CLIP4: variants seen among roughly 807,000 people sequenced by gnomAD.
CLIP4 encodes CAP-Gly domain containing linker protein family member 4.
In CLIP4, 47 loss-of-function variants were observed where a neutral mutation model predicts 73.1. That is an observed-to-expected ratio of 0.64 (90% confidence interval 0.51 to 0.82). The LOEUF is 0.82. Among genes scored for constraint, CLIP4 ranks in the 40% least tolerant of loss-of-function variants. The pLI, the probability that CLIP4 is intolerant of heterozygous loss-of-function variation, is 0.00. For missense variants in CLIP4, 874 were observed against 852.9 expected, an observed-to-expected ratio of 1.02 and a Z score of -0.31; for synonymous variants, 306 against 295.4, an observed-to-expected ratio of 1.04 and a Z score of -0.37.
chr2:29,103,381 C>A (rs1668105937), intron 1 of CLIP4, among the ~76,000 whole-genome samples: 1 of 151,592 alleles, frequency 6.6e-6, no homozygotes, highest in African/African-American at 2.4e-5. Flanking sequence ...TCTAAAACAC[C>A]CAATTTAGTC....
chr2:29,174,703 A>T (rs1668222521), intron 15 of CLIP4: 7 of 1,101,840 alleles, frequency 6.4e-6, no homozygotes, highest in Non-Finnish European at 7.7e-6. Context: ...AATAAAAGTT[A>T]AAGGAATTTA....
chr2:29,130,162 GT>G (rs1664874054), intron 2 of CLIP4: 8 of 440,018 alleles, frequency 1.8e-5, no homozygotes, highest in Admixed American at 1.7e-4. Flanking sequence ...AGAGCAGCCA[GT>G]GCTGCGGCCC....
At chr2:29,165,103 C>G (rs566270559) in intron 13 of CLIP4, among the ~76,000 whole-genome samples, 5 of 152,164 alleles carry the variant, frequency 3.3e-5, no homozygotes, top group Admixed American at 2.6e-4. Context: ...AGGATCATTC[C>G]CATTTTGCAG....
At chr2:29,165,184 A>C (rs1418723479) in intron 13 of CLIP4, among the ~76,000 whole-genome samples, 1 of 152,126 alleles carries the variant, frequency 6.6e-6, no homozygotes, top group Non-Finnish European at 1.5e-5. Context: ...AAGGAGCTGG[A>C]CTCAGCCCAG....
At position 29,152,772 on chromosome 2, in the gene CLIP4, C is replaced by T; in HGVS notation, c.1109C>T (p.Pro370Leu). The T allele has an allele frequency of 6.2e-7, 1 of 1,613,784 alleles. No individual in the cohort carries two copies. Among genetic ancestry groups the T allele is most frequent in the East Asian group, 2.2e-5 (1 of 44,834 alleles). ...ACTCCTTCTACAAAAGCTGCTGTAC[C>T]TCTCATCAGGTCCCAGAAAATTGAC... ...THTPSTKAAV[P>L]LIRSQKIDVA... is the part of the protein sequence containing the mutation. The change falls in exon 9 of 16, where the codon CCT becomes CTT. Residue 370 changes from proline (P) to leucine (L), a missense_variant. Physicochemically the swap from Pro to Leu is moderately conservative, Grantham distance 98. Coordinates refer to ENST00000320081, the MANE Select transcript of CLIP4 (RefSeq NM_024692.6).
chr2:29,130,963 A>G (rs1664930770), intron 2 of CLIP4: 1 of 1,239,244 alleles, frequency 8.1e-7, no homozygotes, highest in Admixed American at 2.6e-5. Flanking sequence ...TCTACCCCAG[A>G]TTTGCCACTT....
Position 29,181,932 on chromosome 2 carries a change from G to T in CLIP4, c.*39G>T. On this transcript the variant is annotated 3_prime_UTR_variant, in exon 16 of 16. Transcript: ENST00000320081. ...TAAATAAGCTCAAATATATATATTT[G>T]GTGTAAATAAAGAGTCCATGGTAAA... 1 of 1,499,376 alleles carries T rather than the reference G, an allele frequency of 6.7e-7. No homozygotes were observed. Among genetic ancestry groups the T allele is most frequent in the Non-Finnish European group, 9.0e-7 (1 of 1,111,256 alleles). 92.9% of individuals were successfully genotyped at this position (1,499,376 alleles called of 1,614,324 possible).
At chr2:29,147,351 T>G (rs1286238182) in intron 8 of CLIP4, among the ~76,000 whole-genome samples, 1 of 152,142 alleles carries the variant, frequency 6.6e-6, no homozygotes, top group African/African-American at 2.4e-5. Context: ...AAATACATAC[T>G]TATGATATTA....
At chr2:29,126,005 T>C (rs936985047) in intron 2 of CLIP4, among the ~76,000 whole-genome samples, 2 of 152,082 alleles carry the variant, frequency 1.3e-5, no homozygotes, top group African/African-American at 2.4e-5. Flanking sequence ...TGAAACCCTG[T>C]CTCTACTAAA....
intron 5 of CLIP4, among the ~76,000 whole-genome samples, chr2:29,134,625 TG>T (rs1035311232): frequency 5.7e-4 from 87 of 152,288 alleles, no homozygotes; most frequent in African/African-American, 2.0e-3. Context: ...CGAGTATTTC[TG>T]GGTGGTTTGC....
rs552831568 is a variant in CLIP4 at position 29,140,885 on chromosome 2, G to T, written c.649-2824G>T. ...TGGCTGCATAAATGTCTTCTTTTGA[G>T]GAGTGTCTGTTCTTATTTTTCTAGT... is the stretch of plus-strand genomic sequence containing the variant. On this transcript the variant is annotated intron_variant, in intron 6 of 15. Coordinates refer to ENST00000320081, the MANE Select transcript of CLIP4 (RefSeq NM_024692.6). Among the ~76,000 whole-genome samples, 4 of 152,256 alleles carry T rather than the reference G, an allele frequency of 2.6e-5. No homozygotes were observed. The South Asian group carries it at 8.3e-4, about 32-fold the overall frequency.
chr2:29,140,247 A>G (rs1035744107), intron 6 of CLIP4, among the ~76,000 whole-genome samples: 24 of 151,980 alleles, frequency 1.6e-4, no homozygotes, highest in Non-Finnish European at 5.9e-5. Context: ...GCCCCACAAC[A>G]GTCCCCAGAG....
At chr2:29,112,738 C>T (rs910574747), upstream of CLIP4, among the ~76,000 whole-genome samples, 2 of 152,238 alleles carry the variant, frequency 1.3e-5, no homozygotes, top group African/African-American at 4.8e-5. Context: ...CATTTAAGCA[C>T]TTCTGCTAGT....
rs756206852 is a variant in CLIP4, at chr2:29,182,914, T to C, written c.*1021T>C. 2 of 152,678 alleles carry C rather than the reference T, an allele frequency of 1.3e-5. No homozygotes were observed. Among genetic ancestry groups the C allele is most frequent in the Non-Finnish European group, 2.9e-5 (2 of 68,042 alleles). 9.5% of individuals were successfully genotyped at this position (152,678 alleles called of 1,614,324 possible). On this transcript the variant is annotated 3_prime_UTR_variant, in exon 16 of 16. Coordinates refer to ENST00000320081, the MANE Select transcript of CLIP4 (RefSeq NM_024692.6). Reference sequence around the variant, plus strand: ...TAAAGATATATCAGGAAGGATGTATTAGTTATTTACTTAAATGTTTATAAT... The same window carrying C: ...TAAAGATATATCAGGAAGGATGTATCAGTTATTTACTTAAATGTTTATAAT...
chr2:29,109,851 A>G (rs1254406963), intron 1 of CLIP4, among the ~76,000 whole-genome samples: 1 of 152,176 alleles, frequency 6.6e-6, no homozygotes, highest in African/African-American at 2.4e-5. Flanking sequence ...TGAGGTCAAT[A>G]GTTCAAGACC....
chr2:29,117,015 G>C (rs1293199736), intron 1 of CLIP4, among the ~76,000 whole-genome samples: 3 of 152,162 alleles, frequency 2.0e-5, no homozygotes, highest in Non-Finnish European at 4.4e-5. Flanking sequence ...CTCAAACTCT[G>C]GTTACTTTTA....
chr2:29,143,325 G>A (rs1276350176), intron 6 of CLIP4, among the ~76,000 whole-genome samples: 1 of 151,566 alleles, frequency 6.6e-6, no homozygotes, highest in African/African-American at 2.4e-5. Context: ...CATCAGTGAG[G>A]CCTCCCTGAC....
At chr2:29,147,117 T>A (rs1429811154) in intron 8 of CLIP4, among the ~76,000 whole-genome samples, 1 of 152,214 alleles carries the variant, frequency 6.6e-6, no homozygotes, top group African/African-American at 2.4e-5. Flanking sequence ...GTTTGAAAAT[T>A]TGATTTTGAA....
chr2:29,141,906 A>G (rs535148990), intron 6 of CLIP4, among the ~76,000 whole-genome samples: 17 of 152,244 alleles, frequency 1.1e-4, no homozygotes, highest in Middle Eastern at 3.4e-3. Context: ...TATGGAGTCT[A>G]TAGACTATGT....
Sources: gnomAD v4.1 joint callset for allele counts (sites outside exome capture counted in the v4.1 genomes callset) on GRCh38, gnomAD v4.1.1 for gene constraint, MANE v1.5 for transcripts, NCBI Gene and HGNC (gene_info 2026-07-23, HGNC 2026-07-21) for gene names.